The following SLC35F1 variants were observed in gnomAD, a reference collection of about 807,000 sequenced individuals.
The protein encoded by SLC35F1 is chromosome 6 open reading frame 169.
SLC35F1 carries 14 observed loss-of-function variants against 48.7 expected under a neutral mutation model. That is an observed-to-expected ratio of 0.29 (90% CI 0.19 to 0.45). SLC35F1 has a LOEUF of 0.45. SLC35F1 is among the 20% of genes least tolerant of loss of function. The pLI is 1.00. For missense variants in SLC35F1, 404 were observed against 500.0 expected (o/e 0.81, Z 1.83); for synonymous variants, 190 against 202.2 (o/e 0.94, Z 0.51).
chr6:118,290,337 A>G (rs1486734654), intron 7 of SLC35F1, among the ~76,000 whole-genome samples: 1 of 152,130 alleles, frequency 6.6e-6, no homozygotes, highest in Non-Finnish European at 1.5e-5. Context: ...CAGAAGCAGT[A>G]CATGCAAAGC....
chr6:118,088,176 G>A (rs6568999), intron 1 of SLC35F1, among the ~76,000 whole-genome samples: 51,848 of 151,836 alleles, frequency 0.34, 9,408 homozygotes, highest in Middle Eastern at 0.46. Context: ...TATATTTTTC[G>A]TGGTGATCTC....
At chr6:118,300,040 G>A (rs1776238145) in intron 7 of SLC35F1, among the ~76,000 whole-genome samples, 1 of 152,156 alleles carries the variant, frequency 6.6e-6, no homozygotes, top group African/African-American at 2.4e-5. Context: ...CTGTTATTAA[G>A]GCTAGTAGAA....
At chr6:118,038,574 T>C (rs575580444) in intron 1 of SLC35F1, among the ~76,000 whole-genome samples, 5 of 152,060 alleles carry the variant, frequency 3.3e-5, no homozygotes, top group African/African-American at 9.6e-5. Flanking sequence ...TTTGTAGTTT[T>C]CAGTGTACCT....
intron 1 of SLC35F1, among the ~76,000 whole-genome samples, chr6:117,930,209 C>T (rs117633240): frequency 5.3e-4 from 80 of 152,276 alleles, no homozygotes; most frequent in Non-Finnish European, 8.8e-4. Flanking sequence ...GTCTTATGTC[C>T]TCAGGAAGTC....
chr6:117,914,136 A>ATCTATCTG (rs1554215887), intron 1 of SLC35F1, among the ~76,000 whole-genome samples: 4 of 144,866 alleles, frequency 2.8e-5, no homozygotes, highest in Admixed American at 6.9e-5. Flanking sequence ...CTATCTATCT[A>ATCTATCTG]TCTGTCTATC....
chr6:118,302,713 A>G (rs1776268497), intron 7 of SLC35F1, among the ~76,000 whole-genome samples: 1 of 152,194 alleles, frequency 6.6e-6, no homozygotes, highest in African/African-American at 2.4e-5. Context: ...TGATATTAAT[A>G]GGTATAAAGT....
chr6:118,060,304 T>C (rs954735451), intron 1 of SLC35F1, among the ~76,000 whole-genome samples: 9 of 152,192 alleles, frequency 5.9e-5, no homozygotes, highest in African/African-American at 2.2e-4. Flanking sequence ...TGCTTCAACA[T>C]AGTATACATG....
chr6:118,288,042 C>G (rs1743259), intron 7 of SLC35F1, among the ~76,000 whole-genome samples: 10,662 of 149,608 alleles, frequency 0.071, 419 homozygotes, highest in Middle Eastern at 0.14. Flanking sequence ...GCAAAATACA[C>G]ATACATTTTG....
chr6:117,947,368 T>A (rs1387412720), intron 1 of SLC35F1, among the ~76,000 whole-genome samples: 1 of 152,064 alleles, frequency 6.6e-6, no homozygotes, highest in Non-Finnish European at 1.5e-5. Context: ...GGACTGGTAA[T>A]TGGAGAAGGG....
At chr6:117,986,358 T>C (rs563833863) in intron 1 of SLC35F1, among the ~76,000 whole-genome samples, 7 of 152,300 alleles carry the variant, frequency 4.6e-5, no homozygotes, top group African/African-American at 1.4e-4. Flanking sequence ...CAGAAAGGTA[T>C]TTATTATACT....
At chr6:117,918,174 T>C (rs1775850776) in intron 1 of SLC35F1, among the ~76,000 whole-genome samples, 1 of 151,972 alleles carries the variant, frequency 6.6e-6, no homozygotes, top group Admixed American at 6.6e-5. Context: ...GAATATGACT[T>C]TTGAGAAATT....
chr6:117,955,982 G>A (rs924625115), intron 1 of SLC35F1, among the ~76,000 whole-genome samples: 1 of 152,214 alleles, frequency 6.6e-6, no homozygotes, highest in Admixed American at 6.5e-5. Context: ...AAGAGAAACA[G>A]CATGAGGGAT....
intron 1 of SLC35F1, among the ~76,000 whole-genome samples, chr6:117,992,676 A>G (rs117639320): frequency 0.018 from 2,717 of 152,350 alleles, 32 homozygotes; most frequent in East Asian, 0.031. Context: ...TCTCTATGAG[A>G]GAGATTTTTA....
intron 2 of SLC35F1, among the ~76,000 whole-genome samples, chr6:118,235,211 T>G (rs1488635088): frequency 1.3e-5 from 2 of 152,194 alleles, no homozygotes; most frequent in Non-Finnish European, 2.9e-5. Flanking sequence ...CATTTTCATA[T>G]GATGTAATTA....
chr6:118,273,094 A>G (rs1775877981), intron 4 of SLC35F1, among the ~76,000 whole-genome samples: 1 of 150,670 alleles, frequency 6.6e-6, no homozygotes, highest in Non-Finnish European at 1.5e-5. Context: ...TGTTAGTGAT[A>G]ACTTAGAAAA....
At chr6:118,257,057 G>C (rs926651674) in intron 3 of SLC35F1, among the ~76,000 whole-genome samples, 4 of 152,078 alleles carry the variant, frequency 2.6e-5, no homozygotes, top group Non-Finnish European at 4.4e-5. Context: ...AAGCAAGCAT[G>C]GTATAAAGGG....
intron 1 of SLC35F1, among the ~76,000 whole-genome samples, chr6:118,020,701 C>G (rs1488235066): frequency 6.6e-6 from 1 of 152,184 alleles, no homozygotes; most frequent in Non-Finnish European, 1.5e-5. Flanking sequence ...CTTCAAATAA[C>G]TCCTTGGAGC....
chr6:118,106,210 C>A (rs4361643), intron 1 of SLC35F1, among the ~76,000 whole-genome samples: 1 of 152,170 alleles, frequency 6.6e-6, no homozygotes, highest in South Asian at 2.1e-4. Flanking sequence ...ATAATGACCC[C>A]TCTTCCTAAT....
chr6:117,972,373 A>G (rs1241455435), intron 1 of SLC35F1, among the ~76,000 whole-genome samples: 1 of 152,194 alleles, frequency 6.6e-6, no homozygotes, highest in African/African-American at 2.4e-5. Flanking sequence ...CCAAGTGGTT[A>G]CAACCTCTGC....
Sources: allele counts gnomAD v4.1 joint callset (sites outside exome capture counted in the v4.1 genomes callset), GRCh38; gene constraint gnomAD v4.1.1; transcripts MANE v1.5; gene names NCBI Gene and HGNC (gene_info 2026-07-23, HGNC 2026-07-21).